The following SNX29 variants were observed in gnomAD, a reference collection of about 807,000 sequenced individuals.
The protein encoded by SNX29 is sorting nexin 29.
A neutral mutation model predicts 102.1 loss-of-function variants in SNX29; 78 were observed. That is an observed-to-expected ratio of 0.76 (90% CI 0.64 to 0.92). SNX29 has a LOEUF of 0.92. SNX29 is among the 40% of genes least tolerant of loss of function. SNX29 has a pLI of 0.00. For missense variants in SNX29, 1,280 were observed against 1,061.7 expected, an observed-to-expected ratio of 1.21 and a Z score of -2.86; for synonymous variants, 580 against 414.5, an observed-to-expected ratio of 1.40 and a Z score of -4.85.
intron 19 of SNX29, among the ~76,000 whole-genome samples, chr16:12,489,283 T>C (rs2088414982): frequency 6.9e-6 from 1 of 145,896 alleles, no homozygotes; most frequent in Non-Finnish European, 1.5e-5. Context: ...TCTAACACGC[T>C]GGAAAAAAAA....
At chr16:12,296,917 T>C (rs2080000511) in intron 15 of SNX29, among the ~76,000 whole-genome samples, 1 of 152,234 alleles carries the variant, frequency 6.6e-6, no homozygotes, top group Non-Finnish European at 1.5e-5. Flanking sequence ...TAATCGTTTG[T>C]CATGGGGGCT....
At chr16:12,233,843 G>A (rs771406065) in intron 14 of SNX29, among the ~76,000 whole-genome samples, 13 of 151,976 alleles carry the variant, frequency 8.6e-5, no homozygotes, top group Non-Finnish European at 1.5e-4. Flanking sequence ...TCATATCAGT[G>A]GAATGATACA....
intron 19 of SNX29, among the ~76,000 whole-genome samples, chr16:12,489,285 GAA>G (rs66969309): frequency 2.1e-5 from 3 of 144,010 alleles, no homozygotes; most frequent in African/African-American, 7.6e-5. Context: ...TAACACGCTG[GAA>G]AAAAAAAAAA....
At chr16:12,563,309 G>A (rs1020394822) in intron 20 of SNX29, among the ~76,000 whole-genome samples, 1 of 152,048 alleles carries the variant, frequency 6.6e-6, no homozygotes, top group Admixed American at 6.5e-5. Flanking sequence ...AGTCTGCTTT[G>A]TGACTGGAGA....
At chr16:12,300,215 C>G (rs190003080) in intron 15 of SNX29, among the ~76,000 whole-genome samples, 52 of 152,286 alleles carry the variant, frequency 3.4e-4, no homozygotes, top group Admixed American at 1.7e-3. Flanking sequence ...ATCTGGTAGC[C>G]AAGTAACGTA....
At chr16:12,014,188 A>G (rs946481568) in intron 3 of SNX29, among the ~76,000 whole-genome samples, 3 of 151,872 alleles carry the variant, frequency 2.0e-5, no homozygotes, top group African/African-American at 7.3e-5. Context: ...CCCATTGACT[A>G]TTGGCTTCAT....
At chr16:12,111,340 A>G (rs1295923549) in intron 11 of SNX29, among the ~76,000 whole-genome samples, 1 of 152,144 alleles carries the variant, frequency 6.6e-6, no homozygotes, top group Non-Finnish European at 1.5e-5. Context: ...TGTGGCCTGC[A>G]AAGCCTGCGT....
intron 16 of SNX29, among the ~76,000 whole-genome samples, chr16:12,363,143 G>A (rs1197404683): frequency 6.6e-6 from 1 of 152,218 alleles, no homozygotes; most frequent in African/African-American, 2.4e-5. Context: ...GGGCCTGAAG[G>A]CTGTCAGAAG....
At chr16:12,212,291 C>T (rs1270592087) in intron 14 of SNX29, among the ~76,000 whole-genome samples, 1 of 152,166 alleles carries the variant, frequency 6.6e-6, no homozygotes, top group East Asian at 1.9e-4. Context: ...GTGGGAGGGA[C>T]TCGGAAGTGG....
intron 10 of SNX29, among the ~76,000 whole-genome samples, chr16:12,077,388 T>G (rs986779817): frequency 1.6e-4 from 12 of 74,824 alleles, no homozygotes; most frequent in African/African-American, 4.7e-4. Flanking sequence ...CTAGTCATGG[T>G]GTGTGTGTGT....
chr16:12,097,193 C>T (rs749270429), intron 11 of SNX29, among the ~76,000 whole-genome samples: 2 of 152,232 alleles, frequency 1.3e-5, no homozygotes, highest in Non-Finnish European at 2.9e-5. Context: ...CGTTAACTCA[C>T]GCATGTCTGC....
chr16:12,359,213 T>A (rs905567296), intron 16 of SNX29, among the ~76,000 whole-genome samples: 2 of 152,220 alleles, frequency 1.3e-5, no homozygotes, highest in Non-Finnish European at 2.9e-5. Context: ...TGGTGTCCGC[T>A]GCAGAACTGA....
At chr16:12,396,514 T>G (rs981411228) in intron 16 of SNX29, among the ~76,000 whole-genome samples, 1 of 152,194 alleles carries the variant, frequency 6.6e-6, no homozygotes, top group Non-Finnish European at 1.5e-5. Flanking sequence ...CAGAAGAGCT[T>G]TTCCCAGCCT....
intron 14 of SNX29, among the ~76,000 whole-genome samples, chr16:12,249,044 G>C (rs1381446830): frequency 6.8e-6 from 1 of 147,946 alleles, no homozygotes; most frequent in Non-Finnish European, 1.5e-5. Flanking sequence ...AAATACTTTT[G>C]CTTAACAAAC....
chr16:12,559,570 A>T (rs563496187), intron 20 of SNX29, among the ~76,000 whole-genome samples: 1 of 152,008 alleles, frequency 6.6e-6, no homozygotes, highest in Non-Finnish European at 1.5e-5. Flanking sequence ...TTTCTTATAC[A>T]TAACTCATCC....
rs189762986 is a variant in SNX29, at chr16:12,142,804, C to T, written c.1595+13046C>T. On this transcript the variant is annotated intron_variant, in intron 13 of 20. Coordinates refer to ENST00000566228, the MANE Select transcript of SNX29 (RefSeq NM_032167.5). ...TCTCAAACTCCTGACCTCAGGTGAC[C>T]ACTGCCTCGGCCTCCCAAAGTGCTG... 5.5e-3 allele frequency among the ~76,000 whole-genome samples: 834 copies of T among 152,042 alleles called. 10 individuals carry two copies. The highest frequency in any genetic ancestry group is 0.019 in the African/African-American group (791 of 41,488).
chr16:12,024,530 A>G (rs2057134103), intron 3 of SNX29, among the ~76,000 whole-genome samples: 1 of 152,172 alleles, frequency 6.6e-6, no homozygotes, highest in South Asian at 2.1e-4. Flanking sequence ...GTTAAGTAGA[A>G]CGGCCTTTGG....
intron 10 of SNX29, among the ~76,000 whole-genome samples, chr16:12,072,674 T>C (rs1458873766): frequency 1.3e-5 from 2 of 152,222 alleles, no homozygotes; most frequent in South Asian, 2.1e-4. Context: ...AAGATGATGC[T>C]GGCCTCATAA....
At chr16:12,481,675 T>C (rs8050394) in intron 19 of SNX29, among the ~76,000 whole-genome samples, 18,801 of 151,820 alleles carry the variant, frequency 0.12, 1,605 homozygotes, top group African/African-American at 0.24. Flanking sequence ...GCTGGGACTA[T>C]AGGCACCCAC....
Sources: allele counts gnomAD v4.1 joint callset (sites outside exome capture counted in the v4.1 genomes callset), GRCh38; gene constraint gnomAD v4.1.1; transcripts MANE v1.5; gene names NCBI Gene and HGNC (gene_info 2026-07-23, HGNC 2026-07-21).